Variants in PIPOX observed in about 807,000 individuals in gnomAD.
PIPOX encodes pipecolic acid and sarcosine oxidase.
In PIPOX, 45 loss-of-function variants were observed where a neutral mutation model predicts 47.9. The observed-to-expected ratio is 0.94, with a 90% CI of 0.74 to 1.20. The LOEUF is 1.20. Among genes scored for constraint, PIPOX ranks in the 50% most tolerant of loss-of-function variants. The pLI, the probability that PIPOX is intolerant of heterozygous loss-of-function variation, is 0.00. For synonymous variants in PIPOX, 165 were observed against 191.3 expected (o/e 0.86, Z 1.13); for missense variants, 458 against 498.4 (o/e 0.92, Z 0.77).
intron 2 of PIPOX, among the ~76,000 whole-genome samples, chr17:29,049,854 T>C (rs549671810): frequency 7.2e-5 from 11 of 152,290 alleles, no homozygotes; most frequent in African/African-American, 2.6e-4. Context: ...GATGGAAAAT[T>C]TCCCACTGTT....
Position 29,056,448 on chromosome 17 carries a change from C to A in PIPOX, c.*143C>A. 1 of 920,542 alleles carries A rather than the reference C, an allele frequency of 1.1e-6. No homozygotes were observed. The highest frequency in any genetic ancestry group is 1.6e-6 in the Non-Finnish European group (1 of 616,368). 57.0% of individuals were successfully genotyped at this position (920,542 alleles called of 1,614,324 possible). A position where few individuals can be genotyped will look rare whatever the true frequency, so the allele number is the denominator to read the frequency against. On this transcript the variant is annotated 3_prime_UTR_variant, in exon 8 of 8. Coordinates refer to ENST00000323372, the MANE Select transcript of PIPOX (RefSeq NM_016518.3). ...CCCCATAAACACCAGATGATTGAGT[C>A]TACCTTCTTTCCTTGGCCCGCTCCC...
At chr17:29,055,792 G>C in intron 6 of PIPOX, 21 bp from the exon 7 acceptor site, 1 of 1,602,706 alleles carries the variant, frequency 6.2e-7, no homozygotes, top group Middle Eastern at 1.7e-4. Flanking sequence ...AAGAACACAA[G>C]GTGTGACTGT....
At chr17:29,055,040 A>T (rs374576026) in intron 5 of PIPOX, 23 bp from the exon 6 acceptor site, 38 of 1,613,774 alleles carry the variant, frequency 2.4e-5, no homozygotes, top group Non-Finnish European at 3.1e-5. Context: ...CTCACCACTC[A>T]TGCCACTCTG....
At chr17:29,055,790 A>C in intron 6 of PIPOX, 23 bp from the exon 7 acceptor site, 1 of 1,600,502 alleles carries the variant, frequency 6.2e-7, no homozygotes, top group Non-Finnish European at 8.6e-7. Flanking sequence ...CAAAGAACAC[A>C]AGGTGTGACT....
intron 2 of PIPOX, among the ~76,000 whole-genome samples, chr17:29,045,698 C>T (rs567319641): frequency 1.1e-4 from 17 of 152,118 alleles, no homozygotes; most frequent in Admixed American, 9.2e-4. Flanking sequence ...TGTGAGCCAC[C>T]GTGCCTGGCC....
At position 29,054,708 on chromosome 17, in the gene PIPOX, A is replaced by C; in HGVS notation, c.807+17A>C. The C allele has an allele frequency of 6.2e-7, 1 of 1,611,158 alleles. No individual in the cohort carries two copies. The highest frequency in any genetic ancestry group is 8.5e-7 in the Non-Finnish European group (1 of 1,177,634). On this transcript the variant is annotated intron_variant, in intron 5 of 7. Coordinates refer to ENST00000323372, the MANE Select transcript of PIPOX (RefSeq NM_016518.3). ...CTGATGAAGGTGAGCGGAAAGACCG[A>C]GATAAGGCAGGTAGATGCCAGTGCA...
chr17:29,046,021 A>G (rs992453762), intron 2 of PIPOX, among the ~76,000 whole-genome samples: 6 of 152,294 alleles, frequency 3.9e-5, no homozygotes, highest in African/African-American at 1.4e-4. Context: ...TGAACTTCCT[A>G]CAAACCCTGG....
At chr17:29,053,228 C>G in intron 3 of PIPOX, 95 bp downstream of exon 3, 3 of 1,319,188 alleles carry the variant, frequency 2.3e-6, no homozygotes, top group Non-Finnish European at 3.2e-6. Context: ...CTGGATGAGG[C>G]CTTTGCCCTG....
At chr17:29,050,446 C>CTTAT (rs201801556) in intron 2 of PIPOX, among the ~76,000 whole-genome samples, 2,790 of 152,270 alleles carry the variant, frequency 0.018, 72 homozygotes, top group African/African-American at 0.051. Flanking sequence ...ATAATCCTAG[C>CTTAT]ACTTTGGGAG....
intron 4 of PIPOX, 72 bp from the exon 5 acceptor site, chr17:29,054,473 A>C: frequency 1.3e-6 from 2 of 1,571,674 alleles, no homozygotes; most frequent in Non-Finnish European, 1.7e-6. Flanking sequence ...GCAGGGGCCC[A>C]GAGAAACTGC....
chr17:29,044,804 G>C, intron 1 of PIPOX, 55 bp from the exon 2 acceptor site: 2 of 1,547,702 alleles, frequency 1.3e-6, no homozygotes, highest in Non-Finnish European at 1.8e-6. Flanking sequence ...TCTTAACAGG[G>C]GATGCAGTGT....
Position 29,053,030 on chromosome 17 carries a change from T to C in PIPOX, c.374T>C (p.Leu125Pro), listed in dbSNP as rs1224182158. The C allele has an allele frequency of 6.8e-6, 11 of 1,614,136 alleles. No individual in the cohort carries two copies. Among genetic ancestry groups the C allele is most frequent in the Non-Finnish European group, 8.5e-6 (10 of 1,180,038 alleles). Residue 125 changes from leucine to proline, a missense_variant, in exon 3 of 8, where the codon CTG (leucine) becomes CCG (proline). By Grantham distance (98) the Leu-to-Pro change is moderately conservative. Transcript: ENST00000323372. ...VEHQCLSSEE[L>P]KQRFPNIRLP... Reference sequence around the variant, plus strand: ...CACCAGTGTCTTTCATCTGAGGAACTGAAGCAACGTTTCCCAAATATTCGG... The same window carrying C: ...CACCAGTGTCTTTCATCTGAGGAACCGAAGCAACGTTTCCCAAATATTCGG...
Position 29,055,966 on chromosome 17 carries a change from T to A in PIPOX, c.1042+78T>A, listed in dbSNP as rs1048678097. 53 of 1,395,658 alleles carry A rather than the reference T, an allele frequency of 3.8e-5. No homozygotes were observed. The African/African-American group carries it at 5.2e-4, about 14-fold the overall frequency. The allele number at this position is 1,395,658 out of a possible 1,614,324, so 86.5% of individuals were successfully genotyped here. ...CCAGGTGAAATGGTATTTTCCACAC[T>A]CTTAGCTGCCCAGATAGGTGTGAAG... On this transcript the variant is annotated intron_variant, in intron 7 of 7. Coordinates refer to ENST00000323372, the MANE Select transcript of PIPOX (RefSeq NM_016518.3).
chr17:29,053,931 A>G (rs569026053), intron 4 of PIPOX, among the ~76,000 whole-genome samples: 6 of 152,314 alleles, frequency 3.9e-5, no homozygotes, highest in Non-Finnish European at 8.8e-5. Flanking sequence ...CTGTAATTCC[A>G]GCACTCTGGA....
chr17:29,045,874 G>A (rs910455729), intron 2 of PIPOX, among the ~76,000 whole-genome samples: 2 of 152,132 alleles, frequency 1.3e-5, no homozygotes, highest in African/African-American at 2.4e-5. Context: ...GAGCCTCCAC[G>A]TCTTTCTCTG....
intron 4 of PIPOX, 30 bp from the exon 5 acceptor site, chr17:29,054,515 T>G: frequency 6.2e-7 from 1 of 1,611,738 alleles, no homozygotes; most frequent in South Asian, 1.1e-5. Context: ...TGGCTTTTCT[T>G]CATTTCCCAC....
chr17:29,053,619 A>G (rs1356071172), intron 4 of PIPOX, 24 bp downstream of exon 4: 6 of 1,548,382 alleles, frequency 3.9e-6, no homozygotes, highest in Non-Finnish European at 5.3e-6. Flanking sequence ...GAAGCCCGAG[A>G]GTTGGTGCTC....
intron 6 of PIPOX, among the ~76,000 whole-genome samples, 174 bp downstream of exon 6, chr17:29,055,395 C>G (rs374645554): frequency 1.3e-5 from 2 of 152,114 alleles, no homozygotes; most frequent in Non-Finnish European, 2.9e-5. Context: ...GGGTCCTGTT[C>G]GAAATTATTC....
Position 29,055,879 on chromosome 17 carries a change from G to A in PIPOX, c.1033G>A (p.Gly345Arg), listed in dbSNP as rs1204966909. 6.2e-7 allele frequency: 1 copy of A among 1,613,858 alleles called. No homozygotes were observed. Residue 345 changes from glycine to arginine, a missense_variant, in exon 7 of 8, where the codon GGA (glycine) becomes AGA (arginine). Coordinates refer to ENST00000323372, the MANE Select transcript of PIPOX (RefSeq NM_016518.3). ...GTATGACAACATTGTCATTGGTGCT[G>A]GATTCTCTGGTGAGTCTGAGCTGGG... ...PKYDNIVIGA[G>R]FSGHGFKLAP...
Sources: allele counts gnomAD v4.1 joint callset (sites outside exome capture counted in the v4.1 genomes callset), GRCh38; gene constraint gnomAD v4.1.1; transcripts MANE v1.5; gene names NCBI Gene and HGNC (gene_info 2026-07-23, HGNC 2026-07-21).